Variants in IL1RAPL2 observed in about 807,000 individuals in gnomAD.
The protein encoded by IL1RAPL2 is X-linked interleukin-1 receptor accessory protein-like 2.
IL1RAPL2 carries 3 observed loss-of-function variants against 44.1 expected under a neutral mutation model. That is an observed-to-expected ratio of 0.07 (90% confidence interval 0.03 to 0.18). IL1RAPL2 has a LOEUF of 0.18. Among genes scored for constraint, IL1RAPL2 ranks in the 10% least tolerant of loss-of-function variants. The pLI is 1.00. For missense variants in IL1RAPL2, 391 were observed against 496.4 expected (o/e 0.79, Z 2.02); for synonymous variants, 181 against 178.8 (o/e 1.01, Z -0.10).
At chrX:105,582,026 T>A (rs1410392739) in intron 6 of IL1RAPL2, among the ~76,000 whole-genome samples, 1 of 111,407 alleles carries the variant, frequency 9.0e-6, no homozygotes, top group Non-Finnish European at 1.9e-5. Context: ...ACTATTTCTG[T>A]ATATGTCAAG....
chrX:105,602,506 T>TA (rs2037260748), intron 6 of IL1RAPL2, among the ~76,000 whole-genome samples: 1 of 110,971 alleles, frequency 9.0e-6, no homozygotes, highest in Non-Finnish European at 1.9e-5. Context: ...GGGAAAGGCA[T>TA]AAAAAACCCA....
chrX:105,450,907 A>AGTGTGTGTGTGTGTGT (rs747929543), intron 5 of IL1RAPL2, among the ~76,000 whole-genome samples: 2 of 94,141 alleles, frequency 2.1e-5, no homozygotes, highest in African/African-American at 7.7e-5. Flanking sequence ...CTTAGGTCCG[A>AGTGTGTGTGTGTGTGT]GTGTGTGTGT....
rs193269057 is a variant in IL1RAPL2 at position 105,531,346 on chromosome X, G to C, written c.772+46959G>C. 3.6e-5 allele frequency among the ~76,000 whole-genome samples: 4 copies of C among 112,101 alleles called. No homozygotes were observed. The East Asian group carries it at 1.1e-3, about 32-fold the overall frequency. Reference sequence around the variant, plus strand: ...TCATATACCTGTTTTCCATTTGTATGTCTTCTTTTGAGTAATGTCCATTCA... The same window carrying C: ...TCATATACCTGTTTTCCATTTGTATCTCTTCTTTTGAGTAATGTCCATTCA... On this transcript the variant is annotated intron_variant, in intron 6 of 10. Transcript: ENST00000372582.
chrX:105,139,839 G>A (rs1359916308), intron 2 of IL1RAPL2, among the ~76,000 whole-genome samples: 1 of 112,248 alleles, frequency 8.9e-6, no homozygotes, highest in African/African-American at 3.2e-5. Context: ...TAGAAAACAA[G>A]TAGCCAAACC....
At position 105,530,240 on chromosome X, in the gene IL1RAPL2, T is replaced by A. The variant is rs191009458; in HGVS notation, c.772+45853T>A. ...CACAAATACTTGTTATTTACTTTTT[T>A]AAATTTTTGTTCCTAATGGTAAGAA... On this transcript the variant is annotated intron_variant, in intron 6 of 10. Coordinates refer to ENST00000372582, the MANE Select transcript of IL1RAPL2 (RefSeq NM_017416.2). Among the ~76,000 whole-genome samples the A allele has an allele frequency of 1.4e-4, 16 of 112,001 alleles. No individual in the cohort carries two copies. The East Asian group carries it at 4.5e-3, about 31-fold the overall frequency.
At chrX:105,315,947 C>T (rs750224564) in intron 5 of IL1RAPL2, among the ~76,000 whole-genome samples, 96 of 109,660 alleles carry the variant, frequency 8.8e-4, no homozygotes, top group African/African-American at 2.9e-3. Flanking sequence ...TAACACTGGG[C>T]AAATTAGTCT....
At position 105,195,598 on chromosome X, in the gene IL1RAPL2, G is replaced by C; in HGVS notation, c.206G>C (p.Ser69Thr). Residue 69 changes from serine (S) to threonine (T), a missense_variant, in exon 3 of 11, where the codon AGC becomes ACC. Transcript: ENST00000372582. ...YIRTNYSTAQ[S>T]TGLRLMWYKN... Reference sequence around the variant, plus strand: ...CGTACCAACTATAGCACGGCCCAGAGCACTGGGCTCAGGCTTATGTGGTAC... The same window carrying C: ...CGTACCAACTATAGCACGGCCCAGACCACTGGGCTCAGGCTTATGTGGTAC... The C allele has an allele frequency of 8.3e-7, 1 of 1,212,096 alleles. No homozygotes were observed.
chrX:105,451,500 A>T (rs1235248956), intron 5 of IL1RAPL2, among the ~76,000 whole-genome samples: 1 of 112,193 alleles, frequency 8.9e-6, no homozygotes, highest in East Asian at 2.8e-4. Flanking sequence ...TTTTGTGTAT[A>T]AGACAGATAT....
At chrX:104,817,068 C>A (rs1012491835) in intron 2 of IL1RAPL2, among the ~76,000 whole-genome samples, 1 of 112,849 alleles carries the variant, frequency 8.9e-6, no homozygotes, top group Admixed American at 9.3e-5. Context: ...GTATGGACAG[C>A]TATGTAGAAA....
At chrX:104,617,252 G>T (rs1929297552) in intron 1 of IL1RAPL2, among the ~76,000 whole-genome samples, 1 of 111,541 alleles carries the variant, frequency 9.0e-6, no homozygotes. Flanking sequence ...AGCCTGATGG[G>T]GTTCCCTTTG....
chrX:105,463,905 G>C (rs1231695017), intron 5 of IL1RAPL2, among the ~76,000 whole-genome samples: 1 of 112,318 alleles, frequency 8.9e-6, no homozygotes, highest in Non-Finnish European at 1.9e-5. Context: ...ACTCATTATA[G>C]ATTAAGTATT....
intron 5 of IL1RAPL2, among the ~76,000 whole-genome samples, chrX:105,462,107 C>T (rs1015813936): frequency 1.6e-4 from 18 of 111,023 alleles, no homozygotes; most frequent in African/African-American, 5.9e-4. Context: ...ATTAATTCTT[C>T]CAGCCTGGGG....
chrX:105,739,602 G>C (rs1308607575), intron 7 of IL1RAPL2, among the ~76,000 whole-genome samples: 2 of 102,114 alleles, frequency 2.0e-5, no homozygotes, highest in East Asian at 3.3e-4. Flanking sequence ...TGCGGTGTTT[G>C]GTTTTTTGTT....
intron 2 of IL1RAPL2, among the ~76,000 whole-genome samples, chrX:105,120,826 A>C (rs2032916563): frequency 8.9e-6 from 1 of 112,132 alleles, no homozygotes; most frequent in South Asian, 3.7e-4. Flanking sequence ...TTTTTAAATG[A>C]ATTAGATCAG....
chrX:104,644,747 A>G (rs1276291306), intron 1 of IL1RAPL2, among the ~76,000 whole-genome samples: 2 of 111,164 alleles, frequency 1.8e-5, no homozygotes, highest in East Asian at 5.7e-4. Context: ...GCAAACATCA[A>G]TTAAAAAATT....
intron 2 of IL1RAPL2, among the ~76,000 whole-genome samples, chrX:105,098,942 G>A (rs1255939560): frequency 8.9e-6 from 1 of 112,396 alleles, no homozygotes; most frequent in African/African-American, 3.2e-5. Context: ...TCGTTTAGGA[G>A]AAAGGCATAC....
intron 2 of IL1RAPL2, among the ~76,000 whole-genome samples, chrX:104,866,581 A>AC (rs1215365415): frequency 5.4e-5 from 6 of 111,829 alleles, no homozygotes; most frequent in African/African-American, 1.9e-4. Context: ...TTGCCACAGG[A>AC]CCTTACAGTC....
At position 105,499,352 on chromosome X, in the gene IL1RAPL2, C is replaced by T. The variant is rs764429883; in HGVS notation, c.772+14965C>T. ...CAGTGACCTTTTTTTAATGTGACACCAAAAGTATAGGCAACAGAAGCAAAA... is the reference window on the plus strand; with the variant it reads ...CAGTGACCTTTTTTTAATGTGACACTAAAAGTATAGGCAACAGAAGCAAAA... On this transcript the variant is annotated intron_variant, in intron 6 of 10. Transcript: ENST00000372582. Among the ~76,000 whole-genome samples the T allele has an allele frequency of 2.7e-5, 3 of 110,095 alleles. No individual in the cohort carries two copies. The East Asian group carries it at 8.7e-4, about 32-fold the overall frequency.
At chrX:104,761,056 T>A (rs780054271) in intron 2 of IL1RAPL2, among the ~76,000 whole-genome samples, 1 of 111,721 alleles carries the variant, frequency 9.0e-6, no homozygotes, top group Admixed American at 9.5e-5. Context: ...CAGTATGTGT[T>A]CTTGGCATCT....
Sources: gnomAD v4.1 joint callset for allele counts (sites outside exome capture counted in the v4.1 genomes callset) on GRCh38, gnomAD v4.1.1 for gene constraint, MANE v1.5 for transcripts, NCBI Gene and HGNC (gene_info 2026-07-23, HGNC 2026-07-21) for gene names.